Variants in ASTN2 observed in about 807,000 individuals in gnomAD.
ASTN2 encodes astrotactin 2.
ASTN2 carries 54 observed loss-of-function variants against 139.8 expected under a neutral mutation model. The ratio of observed to expected loss-of-function variants is 0.39; its 90% CI spans 0.31 to 0.48. ASTN2 has a LOEUF of 0.48. Ranked by LOEUF, ASTN2 falls within the 20% of genes least tolerant of loss-of-function variation. The probability of loss-of-function intolerance (pLI) is 0.95; values close to 1 mark genes in which losing one functional copy is unlikely to be tolerated. For synonymous variants in ASTN2, 756 were observed against 719.5 expected (o/e 1.05, Z -0.81); for missense variants, 1,565 against 1,725.1 (o/e 0.91, Z 1.64).
intron 20 of ASTN2, among the ~76,000 whole-genome samples, chr9:116,447,791 T>A (rs1723415957): frequency 6.6e-6 from 1 of 152,176 alleles, no homozygotes; most frequent in Non-Finnish European, 1.5e-5. Context: ...ATGCAATCAA[T>A]CGCTGTTGGC....
chr9:116,908,003 C>A (rs1172545841), intron 10 of ASTN2, among the ~76,000 whole-genome samples: 1 of 152,088 alleles, frequency 6.6e-6, no homozygotes, highest in African/African-American at 2.4e-5. Context: ...TAGCTAAATG[C>A]GGATAGCCTC....
chr9:116,430,788 A>G (rs1376451084), intron 22 of ASTN2, among the ~76,000 whole-genome samples: 1 of 152,220 alleles, frequency 6.6e-6, no homozygotes, highest in Non-Finnish European at 1.5e-5. Context: ...AGCCATGGAG[A>G]GAAGGGTTGG....
chr9:116,496,283 T>C (rs1849666672), intron 19 of ASTN2, among the ~76,000 whole-genome samples: 1 of 152,190 alleles, frequency 6.6e-6, no homozygotes, highest in Admixed American at 6.5e-5. Flanking sequence ...TAAATATTTA[T>C]ATAGTGAGTG....
rs534722091 is a variant in ASTN2, at chr9:117,389,739, G to A, written c.442+24758C>T. On this transcript the variant is annotated intron_variant, in intron 1 of 22. Transcript: ENST00000313400. The stretch of plus-strand genomic sequence containing the variant: ...GAACCAAATGCTTGGAGAAGCACTA[G>A]GTATGCGGTATTGAAAAAAAGAGAC... 3.9e-5 allele frequency among the ~76,000 whole-genome samples: 6 copies of A among 152,118 alleles called. No individual in the cohort carries two copies. In the South Asian group the frequency reaches 1.2e-3, roughly 32 times the overall value.
intron 5 of ASTN2, among the ~76,000 whole-genome samples, chr9:117,042,848 T>TTTG (rs1052797410): frequency 6.6e-6 from 1 of 151,662 alleles, no homozygotes; most frequent in Non-Finnish European, 1.5e-5. Flanking sequence ...ACTGGAGTTT[T>TTTG]TTGTTGTTGT....
intron 10 of ASTN2, among the ~76,000 whole-genome samples, chr9:116,886,826 T>C (rs923518339): frequency 3.3e-5 from 5 of 152,186 alleles, no homozygotes; most frequent in African/African-American, 1.2e-4. Context: ...TTCCCTCTCA[T>C]GCAGGGGAGA....
chr9:117,017,210 T>C (rs1478298240), intron 6 of ASTN2, among the ~76,000 whole-genome samples: 1 of 147,282 alleles, frequency 6.8e-6, no homozygotes, highest in African/African-American at 2.5e-5. Context: ...AGAAGAATTT[T>C]GGCTGAAGGT....
intron 19 of ASTN2, among the ~76,000 whole-genome samples, chr9:116,556,057 C>G (rs1195218030): frequency 6.6e-6 from 1 of 152,150 alleles, no homozygotes; most frequent in African/African-American, 2.4e-5. Flanking sequence ...TGGCTCTGTG[C>G]TATGTACTGA....
chr9:116,643,679 G>C (rs537604985), intron 17 of ASTN2, among the ~76,000 whole-genome samples: 1 of 152,226 alleles, frequency 6.6e-6, no homozygotes, highest in Admixed American at 6.5e-5. Context: ...CCTTAGCACA[G>C]TTTTTGGCAC....
At chr9:117,030,784 A>C (rs913105314) in intron 6 of ASTN2, among the ~76,000 whole-genome samples, 2 of 152,032 alleles carry the variant, frequency 1.3e-5, no homozygotes, top group East Asian at 3.9e-4. Context: ...ATTCTACTCT[A>C]GGGGGTATCC....
intron 10 of ASTN2, among the ~76,000 whole-genome samples, chr9:116,948,846 G>A (rs1835479770): frequency 7.9e-6 from 1 of 126,220 alleles, no homozygotes; most frequent in African/African-American, 3.1e-5. Context: ...AGGCTGGAGT[G>A]CAATGGCTCA....
chr9:116,836,331 G>A (rs1811449780), intron 11 of ASTN2, among the ~76,000 whole-genome samples: 2 of 152,046 alleles, frequency 1.3e-5, no homozygotes, highest in African/African-American at 4.8e-5. Context: ...GATTAGGGGT[G>A]GAAGGCCATG....
chr9:116,891,212 T>G (rs917595135), intron 10 of ASTN2, among the ~76,000 whole-genome samples: 1 of 152,228 alleles, frequency 6.6e-6, no homozygotes, highest in Non-Finnish European at 1.5e-5. Flanking sequence ...AACTATTAAC[T>G]TGGGCAGGAA....
At chr9:117,263,564 T>A (rs572713450) in intron 2 of ASTN2, among the ~76,000 whole-genome samples, 1 of 152,348 alleles carries the variant, frequency 6.6e-6, no homozygotes, top group East Asian at 1.9e-4. Context: ...CATTGATTCT[T>A]ACGTCCTGAG....
At chr9:116,439,799 CATGT>C (rs1847787777) in intron 22 of ASTN2, among the ~76,000 whole-genome samples, 1 of 152,322 alleles carries the variant, frequency 6.6e-6, no homozygotes, top group Non-Finnish European at 1.5e-5. Flanking sequence ...GCCTATGTCT[CATGT>C]ATGTTCCCAA....
chr9:116,647,137 C>T (rs535763047), intron 17 of ASTN2, among the ~76,000 whole-genome samples: 10 of 152,280 alleles, frequency 6.6e-5, no homozygotes, highest in Admixed American at 3.9e-4. Context: ...TCTCTGACTG[C>T]GTAAGGCCCC....
At chr9:116,950,884 A>G (rs902117037) in intron 10 of ASTN2, among the ~76,000 whole-genome samples, 3 of 152,198 alleles carry the variant, frequency 2.0e-5, no homozygotes, top group Non-Finnish European at 4.4e-5. Context: ...TTGGAATTTT[A>G]TACAACATAT....
chr9:116,520,996 G>C lies in ASTN2; in HGVS notation c.3356-33496C>G, dbSNP rs1850847367. 2.0e-5 allele frequency among the ~76,000 whole-genome samples: 3 copies of C among 152,176 alleles called. No homozygotes were observed. The South Asian group carries it at 6.2e-4, about 32-fold the overall frequency. Reference sequence around the variant, plus strand: ...GGAAAACTACAAAACACTGCCGAAAGAAATCATAGATGACACACCCAAATG... The same window carrying C: ...GGAAAACTACAAAACACTGCCGAAACAAATCATAGATGACACACCCAAATG... On this transcript the variant is annotated intron_variant, in intron 19 of 22. Transcript: ENST00000313400.
intron 4 of ASTN2, among the ~76,000 whole-genome samples, chr9:117,125,516 C>T (rs1829663665): frequency 6.6e-6 from 1 of 152,092 alleles, no homozygotes; most frequent in Admixed American, 6.5e-5. Context: ...ATGAAATATG[C>T]TCAGATGCAT....
Sources: gnomAD v4.1 joint callset for allele counts (sites outside exome capture counted in the v4.1 genomes callset) on GRCh38, gnomAD v4.1.1 for gene constraint, MANE v1.5 for transcripts, NCBI Gene and HGNC (gene_info 2026-07-23, HGNC 2026-07-21) for gene names.